The following NFIA variants were observed in gnomAD, a reference collection of about 807,000 sequenced individuals.
NFIA encodes the protein nuclear factor I A, also known as nuclear factor 1 A-type.
A neutral mutation model predicts 62.8 loss-of-function variants in NFIA; 8 were observed. The ratio of observed to expected loss-of-function variants is 0.13; its 90% CI spans 0.07 to 0.23. NFIA has a LOEUF of 0.23. Ranked by LOEUF, NFIA falls within the 10% of genes least tolerant of loss-of-function variation. The pLI is 1.00. For missense variants in NFIA, 410 were observed against 642.1 expected, an observed-to-expected ratio of 0.64 and a Z score of 3.91; for synonymous variants, 235 against 238.1, an observed-to-expected ratio of 0.99 and a Z score of 0.12.
chr1:61,079,661 A>G (rs1045318950), upstream of NFIA, among the ~76,000 whole-genome samples: 2 of 152,160 alleles, frequency 1.3e-5, no homozygotes, highest in African/African-American at 4.8e-5. Context: ...ATTGCAGTGA[A>G]CTAGTTTCCA....
chr1:61,153,905 G>C (rs1219969907), intron 2 of NFIA, among the ~76,000 whole-genome samples: 1 of 152,190 alleles, frequency 6.6e-6, no homozygotes, highest in Non-Finnish European at 1.5e-5. Flanking sequence ...GAGCTGAAAA[G>C]AGCTTCCTAT....
intron 9 of NFIA, among the ~76,000 whole-genome samples, chr1:61,411,091 G>A (rs1032883219): frequency 1.3e-5 from 2 of 151,978 alleles, no homozygotes; most frequent in Non-Finnish European, 2.9e-5. Flanking sequence ...TGCTGTAGAC[G>A]GTTAAAAGTC....
At chr1:61,247,141 G>C (rs1655695706) in intron 2 of NFIA, among the ~76,000 whole-genome samples, 1 of 152,078 alleles carries the variant, frequency 6.6e-6, no homozygotes, top group African/African-American at 2.4e-5. Flanking sequence ...AGCTAGATGG[G>C]GTAGAAATGC....
At chr1:61,149,755 T>C (rs1440844084) in intron 2 of NFIA, among the ~76,000 whole-genome samples, 1 of 151,910 alleles carries the variant, frequency 6.6e-6, no homozygotes, top group Admixed American at 6.6e-5. Context: ...TAAAATGGAG[T>C]GGAGGGGACA....
At chr1:61,343,678 C>A (rs1017145222) in intron 4 of NFIA, among the ~76,000 whole-genome samples, 1 of 152,096 alleles carries the variant, frequency 6.6e-6, no homozygotes, top group Non-Finnish European at 1.5e-5. Flanking sequence ...TTTGGTCAGA[C>A]CTTTTAGAAA....
chr1:61,098,990 T>C (rs1272638616), intron 2 of NFIA, among the ~76,000 whole-genome samples: 2 of 152,190 alleles, frequency 1.3e-5, no homozygotes, highest in African/African-American at 2.4e-5. Flanking sequence ...CAAAATGTTA[T>C]GGTTGAAGAA....
At chr1:61,224,833 T>A (rs1654228754) in intron 2 of NFIA, among the ~76,000 whole-genome samples, 1 of 152,124 alleles carries the variant, frequency 6.6e-6, no homozygotes, top group Non-Finnish European at 1.5e-5. Context: ...CTAATAAAGC[T>A]CTTAAGTGGT....
chr1:61,161,160 C>A (rs542911814), intron 2 of NFIA, among the ~76,000 whole-genome samples: 1 of 152,228 alleles, frequency 6.6e-6, no homozygotes, highest in African/African-American at 2.4e-5. Flanking sequence ...AGTGATCCGT[C>A]CACCTTGGCC....
At chr1:61,405,796 C>G (rs1187067880) in intron 8 of NFIA, among the ~76,000 whole-genome samples, 5 of 152,120 alleles carry the variant, frequency 3.3e-5, no homozygotes, top group Admixed American at 1.3e-4. Context: ...TTTTATTGCT[C>G]TCTTTGGAGG....
chr1:61,086,499 G>A (rs1646221599), intron 1 of NFIA, among the ~76,000 whole-genome samples: 1 of 152,060 alleles, frequency 6.6e-6, no homozygotes, highest in Non-Finnish European at 1.5e-5. Context: ...CTTAAAGAAT[G>A]CACACGTGTT....
chr1:61,411,739 GCT>G (rs1269827340), intron 9 of NFIA, among the ~76,000 whole-genome samples: 2 of 151,762 alleles, frequency 1.3e-5, no homozygotes, highest in Non-Finnish European at 2.9e-5. Flanking sequence ...GAGGGATGCA[GCT>G]CTAAGCAGGG....
intron 2 of NFIA, among the ~76,000 whole-genome samples, chr1:61,199,060 G>A (rs768875454): frequency 6.6e-6 from 1 of 152,176 alleles, no homozygotes; most frequent in Non-Finnish European, 1.5e-5. Flanking sequence ...TATTTTAAGG[G>A]AGAAGGAGTG....
chr1:61,423,033 C>G, intron 9 of NFIA, among the ~76,000 whole-genome samples: 1 of 152,046 alleles, frequency 6.6e-6, no homozygotes, highest in South Asian at 2.1e-4. Context: ...GATATGGGAT[C>G]AAATTCTGGT....
At chr1:61,081,938 G>C (rs981001229), upstream of NFIA, 2 of 1,550,142 alleles carry the variant, frequency 1.3e-6, no homozygotes, top group African/African-American at 1.4e-5. Flanking sequence ...AAAGAAATTT[G>C]CATACATGCA....
At chr1:61,077,507 G>T (rs1250439047), upstream of NFIA, 4 of 917,492 alleles carry the variant, frequency 4.4e-6, no homozygotes, top group African/African-American at 6.8e-5. Context: ...AATCTCTTCC[G>T]GGTTTTCAAC....
At chr1:61,341,552 C>A (rs1661914143) in intron 4 of NFIA, among the ~76,000 whole-genome samples, 1 of 150,350 alleles carries the variant, frequency 6.7e-6, no homozygotes, top group South Asian at 2.1e-4. Flanking sequence ...AATCATGGCT[C>A]CCTGTAACTC....
intron 2 of NFIA, among the ~76,000 whole-genome samples, chr1:61,270,678 T>G (rs1657449139): frequency 6.6e-6 from 1 of 151,898 alleles, no homozygotes; most frequent in Admixed American, 6.6e-5. Flanking sequence ...AAGAACCTAG[T>G]GTTAAGATTA....
At chr1:61,168,502 A>G (rs1649734194) in intron 2 of NFIA, among the ~76,000 whole-genome samples, 1 of 152,224 alleles carries the variant, frequency 6.6e-6, no homozygotes, top group Non-Finnish European at 1.5e-5. Context: ...AATTAAATAT[A>G]CAGCTGGGTG....
intron 9 of NFIA, among the ~76,000 whole-genome samples, chr1:61,413,299 A>C (rs1156994288): frequency 6.6e-6 from 1 of 152,184 alleles, no homozygotes; most frequent in Non-Finnish European, 1.5e-5. Flanking sequence ...GGGATTTAAA[A>C]TTTCTCGTAT....
Sources: allele counts gnomAD v4.1 joint callset (sites outside exome capture counted in the v4.1 genomes callset), GRCh38; gene constraint gnomAD v4.1.1; transcripts MANE v1.5; gene names NCBI Gene and HGNC (gene_info 2026-07-23, HGNC 2026-07-21).